PRKAR1A: variants seen among roughly 807,000 people sequenced by gnomAD.
PRKAR1A encodes protein kinase cAMP-dependent type I regulatory subunit alpha.
PRKAR1A carries 3 observed loss-of-function variants against 52.0 expected under a neutral mutation model. That is an observed-to-expected ratio of 0.06 (90% CI 0.03 to 0.15). PRKAR1A has a LOEUF of 0.15. Among genes scored for constraint, PRKAR1A ranks in the 10% least tolerant of loss-of-function variants. The probability of loss-of-function intolerance (pLI) is 1.00; values close to 1 mark genes in which losing one functional copy is unlikely to be tolerated. For synonymous variants in PRKAR1A, 188 were observed against 168.4 expected (o/e 1.12, Z -0.90); for missense variants, 240 against 477.4 (o/e 0.50, Z 4.63).
At chr17:68,422,992 G>GT in the PRKAR1A span, among the ~76,000 whole-genome samples, 4 of 152,302 alleles carry the variant, frequency 2.6e-5, 1 homozygote, top group Admixed American at 2.6e-4. Flanking sequence ...ACGCAGGGAA[G>GT]TGTCAGTATG....
chr17:68,421,847 T>G, the PRKAR1A span: 2 of 1,614,116 alleles, frequency 1.2e-6, no homozygotes, highest in East Asian at 4.5e-5. Context: ...AGAATGGCCT[T>G]ACTCTTCTCA....
downstream of PRKAR1A, chr17:68,536,400 T>C (rs1568713197): frequency 4.4e-6 from 2 of 454,110 alleles, no homozygotes; most frequent in South Asian, 1.6e-5. Flanking sequence ...AAACAAAGCC[T>C]CCTATTAAAA....
chr17:68,446,502 G>T, the PRKAR1A span, among the ~76,000 whole-genome samples: 4 of 152,074 alleles, frequency 2.6e-5, no homozygotes, highest in Non-Finnish European at 5.9e-5. Context: ...TTTACCTAAG[G>T]CTCTGTCGTA....
At chr17:68,457,251 G>A in the PRKAR1A span, 1 of 1,463,536 alleles carries the variant, frequency 6.8e-7, no homozygotes, top group South Asian at 1.2e-5. Context: ...GCCGCCTCGA[G>A]GCGGAAGCCA....
At chr17:68,515,624 C>T (rs192922477) in intron 2 of PRKAR1A, 48 bp downstream of exon 2, 7 of 1,552,570 alleles carry the variant, frequency 4.5e-6, no homozygotes, top group East Asian at 2.3e-5. Flanking sequence ...ACAGTTGTTA[C>T]ATTTAATAAC....
chr17:68,486,849 A>G, the PRKAR1A span, among the ~76,000 whole-genome samples: 1 of 149,642 alleles, frequency 6.7e-6, no homozygotes, highest in African/African-American at 2.5e-5. Flanking sequence ...TACTAATGCT[A>G]GTTACCTCCC....
chr17:68,506,435 T>C, the PRKAR1A span, among the ~76,000 whole-genome samples: 3 of 144,224 alleles, frequency 2.1e-5, no homozygotes, highest in African/African-American at 2.5e-5. Flanking sequence ...AATTTGGCCA[T>C]TTTATTGAAA....
intron 2 of PRKAR1A, among the ~76,000 whole-genome samples, chr17:68,517,564 C>G (rs932505376): frequency 6.6e-6 from 1 of 152,168 alleles, no homozygotes; most frequent in Non-Finnish European, 1.5e-5. Flanking sequence ...TGAGGACTCA[C>G]TCACTATCAT....
the PRKAR1A span, chr17:68,435,588 C>A: frequency 1.2e-6 from 2 of 1,609,156 alleles, no homozygotes; most frequent in Non-Finnish European, 1.7e-6. Flanking sequence ...CCAGCGAAAC[C>A]CAGACAGAGG....
At chr17:68,422,391 T>C in the PRKAR1A span, 1 of 140,212 alleles carries the variant, frequency 7.1e-6, no homozygotes, top group Non-Finnish European at 1.5e-5. Flanking sequence ...ATCGCACCAC[T>C]GCACTCCAGC....
chr17:68,463,433 A>G, the PRKAR1A span, among the ~76,000 whole-genome samples: 4 of 152,140 alleles, frequency 2.6e-5, no homozygotes, highest in East Asian at 7.7e-4. Flanking sequence ...AATTTTTATC[A>G]TGTGCCTGTT....
chr17:68,433,790 T>G, the PRKAR1A span, among the ~76,000 whole-genome samples: 2 of 73,134 alleles, frequency 2.7e-5, no homozygotes, highest in African/African-American at 1.0e-4. Context: ...TTTTTTTTTT[T>G]TTTTTTTTGA....
At chr17:68,528,324 G>A (rs1037959159) in intron 8 of PRKAR1A, among the ~76,000 whole-genome samples, 1 of 152,140 alleles carries the variant, frequency 6.6e-6, no homozygotes, top group African/African-American at 2.4e-5. Flanking sequence ...AAGGTAACAG[G>A]CTTCTGCCAT....
the PRKAR1A span, among the ~76,000 whole-genome samples, chr17:68,442,307 T>C: frequency 2.0e-5 from 3 of 151,732 alleles, no homozygotes; most frequent in Non-Finnish European, 4.4e-5. Context: ...CTACTAAAAA[T>C]ACAAAAAATT....
chr17:68,416,516 T>C, the PRKAR1A span, among the ~76,000 whole-genome samples: 13 of 152,318 alleles, frequency 8.5e-5, no homozygotes, highest in African/African-American at 2.9e-4. Context: ...TCTAGGTTTC[T>C]AGCAAGGCCA....
intron 2 of PRKAR1A, among the ~76,000 whole-genome samples, chr17:68,522,463 T>G (rs943095176): frequency 1.3e-5 from 2 of 152,232 alleles, no homozygotes; most frequent in African/African-American, 4.8e-5. Context: ...GTCAAGACAT[T>G]AATGAATATC....
At chr17:68,493,046 C>T in the PRKAR1A span, among the ~76,000 whole-genome samples, 1 of 144,066 alleles carries the variant, frequency 6.9e-6, no homozygotes, top group Non-Finnish European at 1.5e-5. Context: ...GATTGCTGGT[C>T]AAATGCTATT....
the PRKAR1A span, among the ~76,000 whole-genome samples, chr17:68,439,725 A>G: frequency 6.6e-6 from 1 of 152,206 alleles, no homozygotes; most frequent in Non-Finnish European, 1.5e-5. Context: ...TTCAAGACTG[A>G]GGTCTGCTAT....
chr17:68,506,109 C>T, the PRKAR1A span, among the ~76,000 whole-genome samples: 1 of 152,174 alleles, frequency 6.6e-6, no homozygotes, highest in Non-Finnish European at 1.5e-5. Flanking sequence ...ATACAATAAC[C>T]AAACTGAGAA....
Sources: allele counts gnomAD v4.1 joint callset (sites outside exome capture counted in the v4.1 genomes callset), GRCh38; gene constraint gnomAD v4.1.1; transcripts MANE v1.5; gene names NCBI Gene and HGNC (gene_info 2026-07-23, HGNC 2026-07-21).